The following MGAT4C variants were observed in gnomAD, a reference collection of about 807,000 sequenced individuals.
MGAT4C encodes the protein alpha-1,3-mannosyl-glycoprotein 4-beta-N-acetylglucosaminyltransferase C.
In MGAT4C, 19 loss-of-function variants were observed where a neutral mutation model predicts 40.1. The ratio of observed to expected loss-of-function variants is 0.47; its 90% confidence interval spans 0.33 to 0.70. The LOEUF (loss-of-function observed/expected upper bound fraction) is 0.70, where lower values mean the gene tolerates loss of function less well. MGAT4C is among the 30% of genes least tolerant of loss of function. MGAT4C has a pLI of 0.02. For synonymous variants in MGAT4C, 181 were observed against 187.1 expected, an observed-to-expected ratio of 0.97 and a Z score of 0.27; for missense variants, 491 against 563.2, an observed-to-expected ratio of 0.87 and a Z score of 1.30.
intron 2 of MGAT4C, among the ~76,000 whole-genome samples, chr12:86,603,758 TATATAGTATAATTATATATAC>T (rs1961927074): frequency 8.0e-6 from 1 of 125,716 alleles, no homozygotes; most frequent in Non-Finnish European, 1.6e-5. Flanking sequence ...TTATATATAA[TATATAGTATAATTATATATAC>T]TATATAATAT....
chr12:86,203,975 A>AATATATATATATATATATAT (rs56952745), intron 1 of MGAT4C, among the ~76,000 whole-genome samples: 64 of 137,070 alleles, frequency 4.7e-4, no homozygotes, highest in Admixed American at 1.4e-3. Flanking sequence ...AAAAAAAAGA[A>AATATATATATATATATATAT]ATATATATAT....
chr12:86,429,473 A>G (rs1361154983), intron 3 of MGAT4C, among the ~76,000 whole-genome samples: 1 of 152,122 alleles, frequency 6.6e-6, no homozygotes, highest in Non-Finnish European at 1.5e-5. Context: ...CTCTGTTAGG[A>G]CCATTAAATC....
intron 2 of MGAT4C, among the ~76,000 whole-genome samples, chr12:86,478,115 C>T (rs368724760): frequency 6.6e-6 from 1 of 152,242 alleles, no homozygotes; most frequent in South Asian, 2.1e-4. Flanking sequence ...CAGTCCCTAA[C>T]TTCAAGTTGT....
At chr12:86,392,359 C>G (rs977820684) in intron 3 of MGAT4C, among the ~76,000 whole-genome samples, 51 of 152,138 alleles carry the variant, frequency 3.4e-4, no homozygotes, top group African/African-American at 1.2e-3. Flanking sequence ...GTAATCCTAG[C>G]TACTTGGGAG....
chr12:86,700,035 A>AAAAGATAGATAGATAG (rs1555220819), intron 2 of MGAT4C, among the ~76,000 whole-genome samples: 1 of 147,624 alleles, frequency 6.8e-6, no homozygotes, highest in Non-Finnish European at 1.5e-5. Context: ...AATTTAGATA[A>AAAAGATAGATAGATAG]ATAGATAGAT....
chr12:86,018,636 A>G (rs993986916), intron 2 of MGAT4C, among the ~76,000 whole-genome samples: 1 of 152,192 alleles, frequency 6.6e-6, no homozygotes, highest in Non-Finnish European at 1.5e-5. Flanking sequence ...TTGGGTACAA[A>G]AGTCTCAGAT....
intron 1 of MGAT4C, among the ~76,000 whole-genome samples, chr12:86,138,683 T>C (rs1266089284): frequency 2.0e-5 from 3 of 146,622 alleles, no homozygotes; most frequent in Non-Finnish European, 4.5e-5. Flanking sequence ...TTTCCATATA[T>C]ATATTTCCAT....
chr12:86,068,657 TC>T (rs1894793582), intron 1 of MGAT4C: 1 of 151,666 alleles, frequency 6.6e-6, no homozygotes, highest in Non-Finnish European at 1.5e-5. Context: ...GCCTATTCTT[TC>T]CTCTGTTTGC....
intron 1 of MGAT4C, among the ~76,000 whole-genome samples, chr12:86,251,461 G>A (rs17359357): frequency 1.1e-3 from 162 of 152,010 alleles, no homozygotes; most frequent in Middle Eastern, 6.8e-3. Context: ...ACAAGTGCAC[G>A]CAAACAAAAA....
chr12:86,226,607 G>A (rs1230747420), intron 1 of MGAT4C, among the ~76,000 whole-genome samples: 3 of 151,754 alleles, frequency 2.0e-5, no homozygotes, highest in Admixed American at 6.6e-5. Flanking sequence ...TGCCCTCACC[G>A]CAACCCAAAT....
chr12:86,032,345 T>G (rs749752217), intron 2 of MGAT4C, among the ~76,000 whole-genome samples: 5 of 150,602 alleles, frequency 3.3e-5, no homozygotes, highest in Non-Finnish European at 6.0e-5. Context: ...CAACACTGCT[T>G]TCCACAGTGG....
intron 1 of MGAT4C, among the ~76,000 whole-genome samples, chr12:86,102,894 C>T (rs930741270): frequency 6.6e-6 from 1 of 151,738 alleles, no homozygotes; most frequent in African/African-American, 2.4e-5. Flanking sequence ...TTTTTTGCAA[C>T]ATGCAATAGA....
intron 1 of MGAT4C, among the ~76,000 whole-genome samples, chr12:86,064,108 C>T (rs1262405516): frequency 1.3e-5 from 2 of 152,212 alleles, no homozygotes; most frequent in African/African-American, 4.8e-5. Context: ...TTCTTCTCTG[C>T]ACCTCATCAC....
intron 4 of MGAT4C, among the ~76,000 whole-genome samples, chr12:86,316,230 G>A (rs929980269): frequency 6.6e-6 from 1 of 152,192 alleles, no homozygotes; most frequent in Non-Finnish European, 1.5e-5. Flanking sequence ...ATGCTGGTGA[G>A]GCTGCAGAGG....
intron 1 of MGAT4C, among the ~76,000 whole-genome samples, chr12:86,185,982 T>C (rs1362414802): frequency 6.6e-6 from 1 of 152,166 alleles, no homozygotes; most frequent in Non-Finnish European, 1.5e-5. Context: ...TCTTGATATC[T>C]ATTTTCAACA....
At chr12:86,579,520 T>C (rs1415502266) in intron 2 of MGAT4C, among the ~76,000 whole-genome samples, 4 of 151,754 alleles carry the variant, frequency 2.6e-5, no homozygotes, top group Non-Finnish European at 3.0e-5. Context: ...TCTTGAAAAG[T>C]TGTTGCGGTA....
At chr12:86,038,079 C>T (rs1395851097) in intron 2 of MGAT4C, among the ~76,000 whole-genome samples, 1 of 149,610 alleles carries the variant, frequency 6.7e-6, no homozygotes, top group Non-Finnish European at 1.5e-5. Context: ...TGGAAGCCCA[C>T]ACTTTTTATT....
chr12:86,326,979 G>A (rs1430725787), intron 4 of MGAT4C, among the ~76,000 whole-genome samples: 2 of 151,982 alleles, frequency 1.3e-5, no homozygotes, highest in Admixed American at 1.3e-4. Context: ...CAAATAGCAG[G>A]ACACTTGTCA....
At chr12:86,219,437 C>T (rs761808101) in intron 1 of MGAT4C, among the ~76,000 whole-genome samples, 17 of 152,142 alleles carry the variant, frequency 1.1e-4, no homozygotes, top group African/African-American at 3.1e-4. Context: ...ACAATAAAAA[C>T]GTCAGATGGT....
Sources: allele counts gnomAD v4.1 joint callset (sites outside exome capture counted in the v4.1 genomes callset), GRCh38; gene constraint gnomAD v4.1.1; transcripts MANE v1.5; gene names NCBI Gene and HGNC (gene_info 2026-07-23, HGNC 2026-07-21).